Variants in NCOA1 observed in about 807,000 individuals in gnomAD.
NCOA1 encodes Hin-2 protein.
Under a neutral mutation model 150.9 loss-of-function variants are expected in NCOA1, and 35 were observed. The observed-to-expected ratio is 0.23, with a 90% CI of 0.18 to 0.31. The LOEUF (loss-of-function observed/expected upper bound fraction) is 0.31. NCOA1 is among the 10% of genes least tolerant of loss of function. NCOA1 has a pLI of 1.00. For missense variants in NCOA1, 1,491 were observed against 1,749.3 expected (o/e 0.85, Z 2.63); for synonymous variants, 590 against 630.0 (o/e 0.94, Z 0.95).
intron 3 of NCOA1, among the ~76,000 whole-genome samples, chr2:24,592,654 G>A (rs1667708368): frequency 7.0e-6 from 1 of 142,008 alleles, no homozygotes; most frequent in African/African-American, 2.6e-5. Flanking sequence ...CTCCTTGGGA[G>A]CTTTAACAAC....
intron 3 of NCOA1, among the ~76,000 whole-genome samples, chr2:24,586,104 G>A (rs991430963): frequency 4.6e-5 from 7 of 151,630 alleles, no homozygotes; most frequent in African/African-American, 1.5e-4. Context: ...GAAAAAACCC[G>A]CCTCTACTAA....
intron 8 of NCOA1, among the ~76,000 whole-genome samples, chr2:24,688,373 T>G (rs747900781): frequency 3.3e-5 from 5 of 152,172 alleles, no homozygotes; most frequent in Non-Finnish European, 5.9e-5. Context: ...CCACCAACAG[T>G]GTATAAGCAT....
chr2:24,660,460 T>A (rs190800321), intron 5 of NCOA1, among the ~76,000 whole-genome samples: 7 of 152,148 alleles, frequency 4.6e-5, no homozygotes, highest in Admixed American at 4.6e-4. Context: ...ATTATGTGTG[T>A]ATTTTATATA....
chr2:24,651,581 G>A (rs768962130), intron 4 of NCOA1, among the ~76,000 whole-genome samples: 7 of 151,926 alleles, frequency 4.6e-5, no homozygotes, highest in Non-Finnish European at 1.0e-4. Flanking sequence ...TGATGGATAT[G>A]TTCATTTGTT....
chr2:24,639,912 GTGTGTATATATATATA>G lies in NCOA1; in HGVS notation c.-174-4052_-174-4037del, dbSNP rs1414812571. ...CAAAAAAAAAAAAAAAAGTATGTGT[GTGTGTATATATATATA>G]TATATATATATATATATATATATAT... On this transcript the variant is annotated intron_variant, in intron 3 of 22. Transcript: ENST00000348332. Among the ~76,000 whole-genome samples the G allele has an allele frequency of 2.3e-3, 221 of 95,946 alleles. 15 individuals carry two copies. Among genetic ancestry groups the G allele is most frequent in the East Asian group, 8.1e-3 (32 of 3,974 alleles). 62.9% of individuals were successfully genotyped at this position (95,946 alleles called of 152,430 possible). A position where few individuals can be genotyped will look rare whatever the true frequency, so the allele number is the denominator to read the frequency against.
intron 1 of NCOA1, among the ~76,000 whole-genome samples, chr2:24,544,604 A>G (rs1241211990): frequency 1.3e-5 from 2 of 152,070 alleles, no homozygotes; most frequent in East Asian, 1.9e-4. Flanking sequence ...TTTGCTGGGC[A>G]TGGCAGTATG....
chr2:24,683,237 TTATAA>T, intron 8 of NCOA1, 109 bp downstream of exon 8: 2 of 612,358 alleles, frequency 3.3e-6, no homozygotes, highest in Non-Finnish European at 4.7e-6. Flanking sequence ...ATTATATATG[TTATAA>T]TATGTGTTTA....
At chr2:24,768,028 G>T in intron 22 of NCOA1, 193 bp from the exon 23 acceptor site, 1 of 1,589,546 alleles carries the variant, frequency 6.3e-7, no homozygotes, top group South Asian at 1.1e-5. Flanking sequence ...TTTAAAGTGT[G>T]AACTTTCCAG....
chr2:24,506,207 A>G (rs926130778), intron 1 of NCOA1, among the ~76,000 whole-genome samples: 2 of 151,752 alleles, frequency 1.3e-5, no homozygotes, highest in African/African-American at 4.8e-5. Context: ...ATTAGAATCT[A>G]TGTAGTAAAT....
At chr2:24,732,643 A>G (rs1663075563) in intron 17 of NCOA1, among the ~76,000 whole-genome samples, 1 of 152,224 alleles carries the variant, frequency 6.6e-6, no homozygotes, top group Admixed American at 6.5e-5. Context: ...TCAGCATAGT[A>G]AAACAATAAA....
chr2:24,507,924 C>T (rs1480546430), intron 1 of NCOA1, among the ~76,000 whole-genome samples: 4 of 152,094 alleles, frequency 2.6e-5, no homozygotes, highest in Non-Finnish European at 2.9e-5. Flanking sequence ...ACCCTGTGAA[C>T]GGTCTCAAAT....
chr2:24,576,358 C>A (rs925804007), intron 2 of NCOA1, among the ~76,000 whole-genome samples: 3 of 151,914 alleles, frequency 2.0e-5, no homozygotes, highest in African/African-American at 7.3e-5. Context: ...CTTGGCCCCA[C>A]TAAGTGTCAA....
intron 17 of NCOA1, among the ~76,000 whole-genome samples, chr2:24,738,414 A>T (rs1275003091): frequency 1.3e-5 from 2 of 152,160 alleles, no homozygotes; most frequent in Non-Finnish European, 2.9e-5. Context: ...TTTAAGCTAT[A>T]CATTGTTTTC....
chr2:24,701,166 A>G (rs368184474), intron 11 of NCOA1, among the ~76,000 whole-genome samples: 147 of 152,072 alleles, frequency 9.7e-4, no homozygotes, highest in African/African-American at 3.4e-3. Context: ...GATGTAATGG[A>G]TCATCTTTTC....
At chr2:24,711,916 G>A (rs759282288) in intron 14 of NCOA1, among the ~76,000 whole-genome samples, 1 of 152,176 alleles carries the variant, frequency 6.6e-6, no homozygotes, top group Non-Finnish European at 1.5e-5. Context: ...GATTTTCAAC[G>A]TTAGTTCTAT....
At chr2:24,601,368 A>G (rs1221914126) in intron 3 of NCOA1, among the ~76,000 whole-genome samples, 1 of 152,108 alleles carries the variant, frequency 6.6e-6, no homozygotes, top group African/African-American at 2.4e-5. Flanking sequence ...ATGTACCACC[A>G]TTCCCAGCTA....
chr2:24,762,670 G>A lies in NCOA1; in HGVS notation c.4066-17G>A, dbSNP rs1425701362. On this transcript the variant is annotated splice_polypyrimidine_tract_variant and intron_variant, in intron 21 of 22. Coordinates refer to ENST00000348332, the MANE Select transcript of NCOA1 (RefSeq NM_003743.5). ...AACAACTAGCTTGTAATTTGATCTT[G>A]TATTTATCTTTAATAGATAAATGAT... The A allele has an allele frequency of 2.5e-6, 4 of 1,603,440 alleles. No individual in the cohort carries two copies. Among genetic ancestry groups the A allele is most frequent in the African/African-American group, 2.7e-5 (2 of 74,646 alleles).
At chr2:24,763,583 T>C (rs75696224) in intron 22 of NCOA1, among the ~76,000 whole-genome samples, 7,877 of 144,044 alleles carry the variant, frequency 0.055, 338 homozygotes, top group African/African-American at 0.088. Context: ...TTAATTCACT[T>C]TCGTAACTTT....
At chr2:24,660,657 T>C (rs56346465) in intron 5 of NCOA1, among the ~76,000 whole-genome samples, 2,105 of 152,284 alleles carry the variant, frequency 0.014, 48 homozygotes, top group African/African-American at 0.048. Context: ...TTGAAAAATA[T>C]ATTTTTCTAC....
Sources: gnomAD v4.1 joint callset for allele counts (sites outside exome capture counted in the v4.1 genomes callset) on GRCh38, gnomAD v4.1.1 for gene constraint, MANE v1.5 for transcripts, NCBI Gene and HGNC (gene_info 2026-07-23, HGNC 2026-07-21) for gene names.